The following TYW1 variants were observed in gnomAD, a reference collection of about 807,000 sequenced individuals.
TYW1 encodes S-adenosyl-L-methionine-dependent tRNA 4-demethylwyosine synthase TYW1.
A neutral mutation model predicts 96.2 loss-of-function variants in TYW1; 46 were observed. The observed-to-expected ratio is 0.48, with a 90% CI of 0.38 to 0.61. TYW1 has a LOEUF of 0.61. Ranked by LOEUF, TYW1 falls within the 20% of genes least tolerant of loss-of-function variation. The pLI is 0.00. For missense variants in TYW1, 684 were observed against 909.6 expected (o/e 0.75, Z 3.19); for synonymous variants, 274 against 323.0 (o/e 0.85, Z 1.63).
intron 15 of TYW1, among the ~76,000 whole-genome samples, chr7:67,229,249 G>A (rs1346998239): frequency 6.6e-6 from 1 of 152,116 alleles, no homozygotes; most frequent in African/African-American, 2.4e-5. Context: ...TAAGAATTTA[G>A]AATATAGGCC....
At chr7:67,181,390 C>A (rs1416056458) in intron 13 of TYW1, among the ~76,000 whole-genome samples, 1 of 152,140 alleles carries the variant, frequency 6.6e-6, no homozygotes, top group East Asian at 1.9e-4. Context: ...TCTTTCCTTG[C>A]ATGATATACT....
At chr7:67,202,179 C>G (rs1413684545) in intron 15 of TYW1, among the ~76,000 whole-genome samples, 1 of 151,844 alleles carries the variant, frequency 6.6e-6, no homozygotes, top group Non-Finnish European at 1.5e-5. Context: ...CAGATCTTGT[C>G]ATTTTCCAGT....
chr7:67,021,651 A>G (rs1400958893), intron 6 of TYW1, among the ~76,000 whole-genome samples: 1 of 151,690 alleles, frequency 6.6e-6, no homozygotes, highest in African/African-American at 2.4e-5. Flanking sequence ...TGTGAGGACC[A>G]GGGGAATGTG....
intron 6 of TYW1, among the ~76,000 whole-genome samples, chr7:67,022,293 G>A (rs1461502834): frequency 6.6e-6 from 1 of 152,194 alleles, no homozygotes; most frequent in Non-Finnish European, 1.5e-5. Flanking sequence ...CTGCTTTGGT[G>A]TTAGAGGGGC....
chr7:67,070,354 A>G (rs1396431071), intron 10 of TYW1, among the ~76,000 whole-genome samples: 1 of 151,654 alleles, frequency 6.6e-6, no homozygotes, highest in Non-Finnish European at 1.5e-5. Flanking sequence ...TGGAACTTTT[A>G]TTATGCATAT....
chr7:67,073,758 G>A (rs1383931978), intron 10 of TYW1, among the ~76,000 whole-genome samples: 1 of 99,070 alleles, frequency 1.0e-5, no homozygotes, highest in Non-Finnish European at 1.9e-5. Flanking sequence ...GTGACAGTGC[G>A]AGACTCTTCA....
chr7:67,127,045 T>C (rs566900959), intron 13 of TYW1, among the ~76,000 whole-genome samples: 1 of 152,250 alleles, frequency 6.6e-6, no homozygotes, highest in East Asian at 1.9e-4. Context: ...TTGTTGTTTT[T>C]TTAGTGTTTT....
chr7:67,208,832 T>C (rs550071382), intron 15 of TYW1, among the ~76,000 whole-genome samples: 15 of 152,320 alleles, frequency 9.8e-5, no homozygotes, highest in African/African-American at 2.9e-4. Flanking sequence ...GAGTGTCTTA[T>C]GATCTGTATC....
In TYW1 at chr7:67,121,983, T is replaced by A. The variant is rs1254807032; in HGVS notation, c.1698+4365T>A. 2.1e-5 allele frequency among the ~76,000 whole-genome samples: 3 copies of A among 144,986 alleles called. 1 individual carries two copies. Among genetic ancestry groups the A allele is most frequent in the Admixed American group, 2.1e-4 (3 of 14,586 alleles). ...TCAATTTCTGTCCGCGATAGCTACT[T>A]GTCAAACAGTCCTTTTTTTAAAAAA... On this transcript the variant is annotated intron_variant, in intron 13 of 15. Coordinates refer to ENST00000359626, the MANE Select transcript of TYW1 (RefSeq NM_018264.4).
chr7:67,138,561 C>G (rs533283184), intron 13 of TYW1, among the ~76,000 whole-genome samples: 159 of 152,176 alleles, frequency 1.0e-3, no homozygotes, highest in Non-Finnish European at 1.6e-3. Flanking sequence ...CTATCAAAGA[C>G]TAGGTCTTAT....
In TYW1 at chr7:67,067,039, A is replaced by G. The variant is rs533635312; in HGVS notation, c.1156-246A>G. On this transcript the variant is annotated intron_variant, in intron 9 of 15. Transcript: ENST00000359626. ...TGATGGATTTGAAAATGAAAGCATTAGTGGTTCTCCCTGTAGAGTTTTCAG... is the reference window on the plus strand; with the variant it reads ...TGATGGATTTGAAAATGAAAGCATTGGTGGTTCTCCCTGTAGAGTTTTCAG... The G allele has an allele frequency of 2.0e-4, 101 of 509,036 alleles. 4 individuals are homozygous for G. The South Asian group carries it at 2.2e-3, about 11-fold the overall frequency. 31.5% of individuals were successfully genotyped at this position (509,036 alleles called of 1,614,324 possible).
intron 11 of TYW1, among the ~76,000 whole-genome samples, chr7:67,084,273 G>A (rs1234983184): frequency 6.6e-6 from 1 of 152,026 alleles, no homozygotes; most frequent in Non-Finnish European, 1.5e-5. Context: ...AAAAAAGGAG[G>A]GATAATATAA....
chr7:67,075,078 A>C (rs1185120684), intron 10 of TYW1, among the ~76,000 whole-genome samples: 3 of 152,210 alleles, frequency 2.0e-5, no homozygotes, highest in African/African-American at 7.2e-5. Flanking sequence ...CATGATGTAC[A>C]TAGATGTGAT....
intron 11 of TYW1, among the ~76,000 whole-genome samples, chr7:67,085,680 T>C (rs1175375306): frequency 1.3e-5 from 2 of 152,112 alleles, no homozygotes; most frequent in East Asian, 1.9e-4. Flanking sequence ...AAGATAATTA[T>C]TCAGTAGGCT....
intron 9 of TYW1, among the ~76,000 whole-genome samples, chr7:67,061,930 T>C (rs1795708676): frequency 6.6e-6 from 1 of 152,216 alleles, no homozygotes; most frequent in Non-Finnish European, 1.5e-5. Context: ...CGTCATTAAT[T>C]ACTTAATTTG....
rs567917803 is a variant in TYW1 at position 67,073,343 on chromosome 7, A to G, written c.1274+5940A>G. ...GACGTTGCTAAGCATTCCCTAATGC[A>G]TAGGACAGTGCTCCGCAACAAAGGA... is the stretch of plus-strand genomic sequence containing the variant. On this transcript the variant is annotated intron_variant, in intron 10 of 15. Coordinates refer to ENST00000359626, the MANE Select transcript of TYW1 (RefSeq NM_018264.4). Among the ~76,000 whole-genome samples, 8 of 152,290 alleles carry G rather than the reference A, an allele frequency of 5.3e-5. No homozygotes were observed. In the East Asian group the frequency reaches 1.3e-3, roughly 26 times the overall value.
At chr7:67,063,983 T>C (rs1195504839) in intron 9 of TYW1, among the ~76,000 whole-genome samples, 1 of 152,224 alleles carries the variant, frequency 6.6e-6, no homozygotes, top group African/African-American at 2.4e-5. Context: ...GTAATATGCT[T>C]CGATTTACAT....
At chr7:67,152,677 C>T (rs1258903015) in intron 13 of TYW1, among the ~76,000 whole-genome samples, 10 of 152,188 alleles carry the variant, frequency 6.6e-5, no homozygotes, top group South Asian at 4.1e-4. Flanking sequence ...TCTCGGCTCA[C>T]TGTACCCTCA....
At chr7:67,016,440 G>A (rs1286674474) in intron 5 of TYW1, among the ~76,000 whole-genome samples, 1 of 151,836 alleles carries the variant, frequency 6.6e-6, no homozygotes, top group East Asian at 2.0e-4. Flanking sequence ...CCAACTACTT[G>A]GGAGGCTGAG....
Sources: gnomAD v4.1 joint callset for allele counts (sites outside exome capture counted in the v4.1 genomes callset) on GRCh38, gnomAD v4.1.1 for gene constraint, MANE v1.5 for transcripts, NCBI Gene and HGNC (gene_info 2026-07-23, HGNC 2026-07-21) for gene names.